SLC6A13: variants seen among roughly 807,000 people sequenced by gnomAD.
SLC6A13 encodes the protein solute carrier family 6 member 13, also known as sodium- and chloride-dependent GABA transporter 2.
Under a neutral mutation model 72.9 loss-of-function variants are expected in SLC6A13, and 69 were observed. That is an observed-to-expected ratio of 0.95 (90% CI 0.78 to 1.16). SLC6A13 has a LOEUF of 1.16. Among genes scored for constraint, SLC6A13 ranks in the 50% most tolerant of loss-of-function variants. The probability of loss-of-function intolerance (pLI) is 0.00; values close to 1 mark genes in which losing one functional copy is unlikely to be tolerated. For synonymous variants in SLC6A13, 303 were observed against 303.0 expected (o/e 1.00, Z 0.00); for missense variants, 735 against 760.5 (o/e 0.97, Z 0.39).
chr12:243,932 A>G (rs1019352200), intron 2 of SLC6A13, 119 bp from the exon 3 acceptor site: 22 of 886,250 alleles, frequency 2.5e-5, no homozygotes, highest in Admixed American at 4.9e-5. Context: ...AGAACATGCA[A>G]AACTGCAGGA....
chr12:247,187 A>C (rs1942386156), intron 2 of SLC6A13, among the ~76,000 whole-genome samples: 1 of 152,000 alleles, frequency 6.6e-6, no homozygotes, highest in Admixed American at 6.5e-5. Flanking sequence ...AATTTTACAA[A>C]TTTTATGAAA....
intron 13 of SLC6A13, 33 bp downstream of exon 13, chr12:222,499 C>A (rs1034471396): frequency 2.8e-6 from 4 of 1,424,626 alleles, no homozygotes; most frequent in Non-Finnish European, 3.9e-6. Context: ...CTCTCCCTCC[C>A]TTCATCTGAC....
At position 235,103 on chromosome 12, in the gene SLC6A13, A is replaced by G. The variant is rs1336901877; in HGVS notation, c.818T>C (p.Leu273Pro). The G allele has an allele frequency of 1.9e-6, 3 of 1,614,252 alleles. No individual in the cohort carries two copies. The Admixed American group carries it at 5.0e-5, about 27-fold the overall frequency. ...GTGGCTTCTTACCTGGGGATCCCAC[A>G]GACGCGTGAGGTTTGGGTACAGGTA... Reference protein sequence around the residue: ...QFYLYPNLTRLWDPQVWMDAG... With the variant: ...QFYLYPNLTRPWDPQVWMDAG... The change falls in exon 7 of 15, where the codon CTG becomes CCG. Residue 273 changes from leucine (L) to proline (P), a missense_variant. Leu to Pro is a moderately conservative substitution (Grantham distance 98). Transcript: ENST00000343164.
In SLC6A13 at chr12:224,402, T is replaced by C; in HGVS notation, c.1172A>G (p.Gln391Arg). ...CTCTGAGTGGCTGCCTCTTGATACC[T>C]GGCTATCCAGTCCCAGGAGAACGAC... is the stretch of plus-strand genomic sequence containing the variant. The part of the protein sequence containing the change: ...FMVVLLGLDS[Q>R]FVCVESLVTA... Residue 391 changes from glutamine (Q) to arginine (R), a missense_variant and splice_region_variant, in exon 10 of 15, where the codon CAG (glutamine) becomes CGG (arginine). By Grantham distance (43) the Gln-to-Arg change is conservative. Transcript: ENST00000343164. 6.2e-7 allele frequency: 1 copy of C among 1,613,232 alleles called. No homozygotes were observed. The highest frequency in any genetic ancestry group is 8.5e-7 in the Non-Finnish European group (1 of 1,179,174).
chr12:240,004 G>C (rs1326525026), intron 4 of SLC6A13, among the ~76,000 whole-genome samples: 1 of 152,122 alleles, frequency 6.6e-6, no homozygotes, highest in Non-Finnish European at 1.5e-5. Flanking sequence ...CCAAAGGAAG[G>C]TGGGCCTAAT....
rs1941320640 is a variant in SLC6A13, at chr12:223,813, G to A, written c.1311+179C>T. The A allele has an allele frequency of 1.1e-5, 7 of 653,820 alleles. No homozygotes were observed. The East Asian group carries it at 1.1e-4, about 10-fold the overall frequency. The allele number at this position is 653,820 out of a possible 1,614,324, so 40.5% of individuals were successfully genotyped here. On this transcript the variant is annotated intron_variant, in intron 11 of 14. Coordinates refer to ENST00000343164, the MANE Select transcript of SLC6A13 (RefSeq NM_016615.5). Reference sequence around the variant, plus strand: ...TGGAGGTGGGTGGTCCATGCCCAAAGGCCAGAGGAGGGACCTGCCTACTTT... The same window carrying A: ...TGGAGGTGGGTGGTCCATGCCCAAAAGCCAGAGGAGGGACCTGCCTACTTT...
At chr12:232,999 G>A (rs1160554780) in intron 7 of SLC6A13, among the ~76,000 whole-genome samples, 1 of 152,218 alleles carries the variant, frequency 6.6e-6, no homozygotes, top group Non-Finnish European at 1.5e-5. Flanking sequence ...CTTGCTCCCT[G>A]TCAGCAACAT....
intron 2 of SLC6A13, among the ~76,000 whole-genome samples, chr12:256,828 C>G (rs1942762718): frequency 6.6e-6 from 1 of 152,120 alleles, no homozygotes; most frequent in African/African-American, 2.4e-5. Flanking sequence ...AGAAAGGGCC[C>G]AGGAGCAGGC....
chr12:251,240 A>G (rs1344614089), intron 2 of SLC6A13, among the ~76,000 whole-genome samples: 1 of 152,222 alleles, frequency 6.6e-6, no homozygotes, highest in Non-Finnish European at 1.5e-5. Flanking sequence ...CCTCAAGCAC[A>G]GTAATGAACA....
chr12:256,109 A>G (rs1942734988), intron 2 of SLC6A13, among the ~76,000 whole-genome samples: 1 of 152,072 alleles, frequency 6.6e-6, no homozygotes, highest in Non-Finnish European at 1.5e-5. Context: ...CTTTTTCTAT[A>G]GCACTCATTA....
At chr12:238,133 A>G in intron 4 of SLC6A13, 123 bp from the exon 5 acceptor site, 1 of 1,552,252 alleles carries the variant, frequency 6.4e-7, no homozygotes, top group Non-Finnish European at 8.7e-7. Context: ...AGCCAGGCTA[A>G]GGTTATCTGT....
At chr12:243,398 A>C (rs1778170981) in intron 3 of SLC6A13, among the ~76,000 whole-genome samples, 1 of 152,254 alleles carries the variant, frequency 6.6e-6, no homozygotes, top group African/African-American at 2.4e-5. Flanking sequence ...TATGTCTTAA[A>C]ATACAACAAC....
chr12:258,923 G>A, intron 2 of SLC6A13: 1 of 985,484 alleles, frequency 1.0e-6, no homozygotes, highest in Non-Finnish European at 1.2e-6. Flanking sequence ...GCCTCACCGT[G>A]CCAGCAAAGT....
intron 2 of SLC6A13, among the ~76,000 whole-genome samples, chr12:250,949 G>T (rs1942517651): frequency 6.6e-6 from 1 of 151,578 alleles, no homozygotes; most frequent in South Asian, 2.1e-4. Context: ...GAGGTCAGGA[G>T]ATCGAGACCA....
intron 4 of SLC6A13, among the ~76,000 whole-genome samples, chr12:242,099 G>A (rs898671723): frequency 1.3e-5 from 2 of 152,144 alleles, no homozygotes; most frequent in Non-Finnish European, 2.9e-5. Flanking sequence ...CCAACAACGC[G>A]TTTCTCAGAG....
chr12:229,879 C>T (rs1365322063), intron 7 of SLC6A13, among the ~76,000 whole-genome samples: 1 of 152,100 alleles, frequency 6.6e-6, no homozygotes, highest in Non-Finnish European at 1.5e-5. Context: ...ATTTACCTCG[C>T]CTCGGCAGGG....
chr12:223,647 C>G, intron 11 of SLC6A13: 2 of 333,044 alleles, frequency 6.0e-6, no homozygotes, highest in Non-Finnish European at 1.1e-5. Flanking sequence ...GCCTCCCTTT[C>G]TCGCTTTGAA....
chr12:234,375 C>T (rs112733742), intron 7 of SLC6A13, among the ~76,000 whole-genome samples: 4,470 of 152,218 alleles, frequency 0.029, 165 homozygotes, highest in African/African-American at 0.089. Context: ...ATGAATAATC[C>T]GCCCCTTATT....
intron 11 of SLC6A13, among the ~76,000 whole-genome samples, 196 bp from the exon 12 acceptor site, chr12:223,430 T>TC (rs1941302361): frequency 7.5e-6 from 1 of 132,464 alleles, no homozygotes; most frequent in Non-Finnish European, 1.5e-5. Context: ...ATTTTTATTA[T>TC]TTTTTGGGAC....
Sources: allele counts gnomAD v4.1 joint callset (sites outside exome capture counted in the v4.1 genomes callset), GRCh38; gene constraint gnomAD v4.1.1; transcripts MANE v1.5; gene names NCBI Gene and HGNC (gene_info 2026-07-23, HGNC 2026-07-21).